Variants in RYR3 observed in about 807,000 individuals in gnomAD.
RYR3 encodes the protein ryanodine receptor 3, also known as brain ryanodine receptor-calcium release channel.
Under a neutral mutation model 584.3 loss-of-function variants are expected in RYR3, and 207 were observed. That is an observed-to-expected ratio of 0.35 (90% CI 0.32 to 0.40). The LOEUF (loss-of-function observed/expected upper bound fraction) is 0.40, where lower values mean the gene tolerates loss of function less well. Among genes scored for constraint, RYR3 ranks in the 10% least tolerant of loss-of-function variants. The probability of loss-of-function intolerance (pLI) is 1.00; values close to 1 mark genes in which losing one functional copy is unlikely to be tolerated. For missense variants in RYR3, 5,616 were observed against 6,089.2 expected, an observed-to-expected ratio of 0.92 and a Z score of 2.59; for synonymous variants, 2,416 against 2,248.5, an observed-to-expected ratio of 1.07 and a Z score of -2.11.
At chr15:33,612,202 C>T (rs2060228792) in intron 18 of RYR3, among the ~76,000 whole-genome samples, 2 of 152,246 alleles carry the variant, frequency 1.3e-5, no homozygotes, top group African/African-American at 2.4e-5. Flanking sequence ...AGGTGATTTT[C>T]CTCACTACTT....
intron 1 of RYR3, among the ~76,000 whole-genome samples, chr15:33,352,411 T>C (rs1488870263): frequency 6.6e-6 from 1 of 152,160 alleles, no homozygotes; most frequent in African/African-American, 2.4e-5. Flanking sequence ...ATCAATTATT[T>C]TGATACAGTC....
At chr15:33,760,236 CA>C (rs1473785909) in intron 60 of RYR3, among the ~76,000 whole-genome samples, 1 of 152,146 alleles carries the variant, frequency 6.6e-6, no homozygotes, top group Non-Finnish European at 1.5e-5. Context: ...AACTAATGGG[CA>C]AAATAACCCG....
chr15:33,651,567 C>T (rs1460873396), intron 31 of RYR3, among the ~76,000 whole-genome samples: 1 of 152,130 alleles, frequency 6.6e-6, no homozygotes, highest in Non-Finnish European at 1.5e-5. Context: ...CCTAATTGAA[C>T]CTTTGGTTTT....
rs981117246 is a variant in RYR3 at position 33,311,354 on chromosome 15, C to G, written c.51+258C>G. ...CCCAGGCCCTCCACCTAGGACCGCT[C>G]GCTCTCCAGGCAACTTGCTACTTGG... is the stretch of plus-strand genomic sequence containing the variant. On this transcript the variant is annotated intron_variant, in intron 1 of 103. Transcript: ENST00000634891. This position sits in a 1 kb window ranked among gnomAD's most constrained non-coding sequence, Gnocchi z 4.4. Among the ~76,000 whole-genome samples, 1 of 152,226 alleles carries G rather than the reference C, an allele frequency of 6.6e-6. No homozygotes were observed. The highest frequency in any genetic ancestry group is 2.4e-5 in the African/African-American group (1 of 41,470).
intron 43 of RYR3, among the ~76,000 whole-genome samples, chr15:33,707,636 A>G (rs1185900965): frequency 6.6e-6 from 1 of 152,180 alleles, no homozygotes; most frequent in African/African-American, 2.4e-5. Flanking sequence ...TAAGTGGGGT[A>G]CTTTCTTGAA....
chr15:33,733,610 G>A (rs917232538), intron 48 of RYR3, among the ~76,000 whole-genome samples: 2 of 152,190 alleles, frequency 1.3e-5, no homozygotes, highest in Non-Finnish European at 2.9e-5. Context: ...AGATGAACAG[G>A]CTGAGCACAG....
chr15:33,811,170 G>T, intron 72 of RYR3, 133 bp downstream of exon 72: 1 of 763,946 alleles, frequency 1.3e-6, no homozygotes, highest in Non-Finnish European at 2.2e-6. Flanking sequence ...GTGTTTAATT[G>T]GTAGGACTAG....
At position 33,749,917 on chromosome 15, in the gene RYR3, G is replaced by T. The variant is rs937604902; in HGVS notation, c.8200-62G>T. 2.0e-6 allele frequency: 3 copies of T among 1,468,392 alleles called. No homozygotes were observed. In the African/African-American group the frequency reaches 4.2e-5, roughly 20 times the overall value. The allele number at this position is 1,468,392 out of a possible 1,614,324, so 91.0% of individuals were successfully genotyped here. A position where few individuals can be genotyped will look rare whatever the true frequency, so the allele number is the denominator to read the frequency against. ...CGAGGCTGCCTGAAATGACCTAGCA[G>T]CTATGAAGCCAGCTTGCCTGCTTTC... On this transcript the variant is annotated intron_variant, in intron 55 of 103. Transcript: ENST00000634891.
At chr15:33,530,731 C>T (rs2054796817) in intron 4 of RYR3, 65 bp downstream of exon 4, 9 of 1,187,082 alleles carry the variant, frequency 7.6e-6, no homozygotes, top group Non-Finnish European at 1.0e-5. Context: ...GGGGGAAATA[C>T]AGGAAGCCAG....
intron 60 of RYR3, 30 bp from the exon 61 acceptor site, chr15:33,768,628 C>T: frequency 3.7e-6 from 6 of 1,610,228 alleles, no homozygotes; most frequent in Non-Finnish European, 5.1e-6. Flanking sequence ...ATCTCTGTGA[C>T]TTTCTGAATT....
At chr15:33,571,558 T>C (rs1260935425) in intron 12 of RYR3, among the ~76,000 whole-genome samples, 1 of 152,188 alleles carries the variant, frequency 6.6e-6, no homozygotes, top group Non-Finnish European at 1.5e-5. Context: ...TATTTTTCTT[T>C]TTTCTTTATG....
At chr15:33,749,256 G>A (rs1368679085) in intron 55 of RYR3, among the ~76,000 whole-genome samples, 1 of 152,166 alleles carries the variant, frequency 6.6e-6, no homozygotes, top group Non-Finnish European at 1.5e-5. Flanking sequence ...CAGTGGGTTT[G>A]CTGGAGCTCC....
At chr15:33,484,180 A>AG (rs1469699810) in intron 2 of RYR3, among the ~76,000 whole-genome samples, 9 of 152,046 alleles carry the variant, frequency 5.9e-5, no homozygotes, top group African/African-American at 1.9e-4. Context: ...AATGAAGAAG[A>AG]GAAAAAAAAA....
At chr15:33,805,469 C>CTTT (rs61113827) in intron 69 of RYR3, among the ~76,000 whole-genome samples, 6 of 138,292 alleles carry the variant, frequency 4.3e-5, no homozygotes, top group East Asian at 2.1e-4. Context: ...TTTTCTCTCT[C>CTTT]TTTTTTTTTT....
At position 33,865,170 on chromosome 15, in the gene RYR3, G is replaced by A; in HGVS notation, c.14557G>A (p.Asp4853Asn). 6.2e-7 allele frequency: 1 copy of A among 1,614,030 alleles called. No homozygotes were observed. The highest frequency in any genetic ancestry group is 8.5e-7 in the Non-Finnish European group (1 of 1,179,900). ...GAAGATGTACCAAGAAAGGTGTTGG[G>A]ATTTCTTCCCAGCCGGTGACTGCTT... ...VWKMYQERCWDFFPAGDCFRK... is the reference protein window; with the variant it reads ...VWKMYQERCWNFFPAGDCFRK... The change falls in exon 104 of 104, where the codon GAT (aspartate) becomes AAT (asparagine). Residue 4853 changes from aspartate (D) to asparagine (N), a missense_variant. Transcript: ENST00000634891.
chr15:33,856,834 T>C (rs1046126918), intron 98 of RYR3: 15 of 152,214 alleles, frequency 9.9e-5, no homozygotes, highest in African/African-American at 3.6e-4. Context: ...AATTTTTGTA[T>C]TTTTAGTAGA....
chr15:33,478,376 T>C (rs1324988243), intron 2 of RYR3, among the ~76,000 whole-genome samples: 1 of 152,196 alleles, frequency 6.6e-6, no homozygotes, highest in African/African-American at 2.4e-5. Context: ...AAGCCTCACG[T>C]ACCATAGGAA....
chr15:33,826,793 C>CAG (rs4041449), intron 84 of RYR3, 41 bp downstream of exon 84: 1,453,467 of 1,503,438 alleles, frequency 0.97, 706,324 homozygotes, highest in Non-Finnish European at 0.99. Context: ...ACACAGCACT[C>CAG]GGGCAAAACT....
intron 1 of RYR3, among the ~76,000 whole-genome samples, chr15:33,392,364 A>C (rs2042058430): frequency 6.6e-6 from 1 of 151,312 alleles, no homozygotes; most frequent in African/African-American, 2.4e-5. Flanking sequence ...GCTGGAGCAC[A>C]AGTCGTTTAT....
Sources: gnomAD v4.1 joint callset for allele counts (sites outside exome capture counted in the v4.1 genomes callset) on GRCh38, gnomAD v4.1.1 for gene constraint, Gnocchi (gnomAD v3.1) non-coding constraint, MANE v1.5 for transcripts, NCBI Gene and HGNC (gene_info 2026-07-23, HGNC 2026-07-21) for gene names.